The following RIMKLB variants were observed in gnomAD, a reference collection of about 807,000 sequenced individuals.
The protein encoded by RIMKLB is ribosomal modification protein rimK like family member B.
A neutral mutation model predicts 32.0 loss-of-function variants in RIMKLB; 7 were observed. The ratio of observed to expected loss-of-function variants is 0.22; its 90% CI spans 0.12 to 0.41. RIMKLB has a LOEUF of 0.41. Among genes scored for constraint, RIMKLB ranks in the 10% least tolerant of loss-of-function variants. RIMKLB has a pLI of 1.00. For missense variants in RIMKLB, 289 were observed against 498.7 expected (o/e 0.58, Z 4.00); for synonymous variants, 172 against 185.1 (o/e 0.93, Z 0.57).
intron 1 of RIMKLB, among the ~76,000 whole-genome samples, chr12:8,686,133 G>A (rs986195236): frequency 2.6e-5 from 4 of 151,950 alleles, no homozygotes; most frequent in Non-Finnish European, 5.9e-5. Context: ...GTAGAGACAG[G>A]GTTTCACCAT....
At chr12:8,782,170 G>GT (rs138360722), downstream of RIMKLB, among the ~76,000 whole-genome samples, 8 of 151,856 alleles carry the variant, frequency 5.3e-5, no homozygotes, top group Non-Finnish European at 1.2e-4. Context: ...ATCAAAAATT[G>GT]TTTTTTTCTG....
chr12:8,764,793 G>A (rs184801718), intron 5 of RIMKLB, among the ~76,000 whole-genome samples: 31 of 151,944 alleles, frequency 2.0e-4, no homozygotes, highest in African/African-American at 5.3e-4. Context: ...ACGAGGGGGC[G>A]GCTTATTTCT....
the RIMKLB span, among the ~76,000 whole-genome samples, chr12:8,671,397 T>C: frequency 1.4e-4 from 22 of 152,048 alleles, no homozygotes; most frequent in Non-Finnish European, 2.9e-4. Flanking sequence ...ATTACAGTCA[T>C]GTGCCACCAC....
chr12:8,756,575 AT>A (rs137869706), intron 5 of RIMKLB, among the ~76,000 whole-genome samples: 1,527 of 152,280 alleles, frequency 0.01, 19 homozygotes, highest in African/African-American at 0.035. Flanking sequence ...AGAAAAGGCA[AT>A]ATATTGATAA....
At chr12:8,719,337 G>A (rs1945200037) in intron 2 of RIMKLB, among the ~76,000 whole-genome samples, 1 of 152,048 alleles carries the variant, frequency 6.6e-6, no homozygotes, top group Admixed American at 6.6e-5. Flanking sequence ...TCTAAGCCCT[G>A]GGATTATAAA....
chr12:8,766,032 G>A (rs1432075358), intron 5 of RIMKLB, among the ~76,000 whole-genome samples: 1 of 151,974 alleles, frequency 6.6e-6, no homozygotes, highest in Non-Finnish European at 1.5e-5. Flanking sequence ...TTCTTTCTTA[G>A]CGTTTGAGGG....
At chr12:8,751,123 T>A (rs1018763221) in intron 3 of RIMKLB, among the ~76,000 whole-genome samples, 1 of 152,188 alleles carries the variant, frequency 6.6e-6, no homozygotes, top group Non-Finnish European at 1.5e-5. Context: ...GTGTTTTTAG[T>A]GCTTTGGGGA....
chr12:8,778,573 G>A (rs1161884351), downstream of RIMKLB, among the ~76,000 whole-genome samples: 1 of 152,170 alleles, frequency 6.6e-6, no homozygotes, highest in Non-Finnish European at 1.5e-5. Context: ...TAAAATGTCA[G>A]GGATAGGACT....
intron 2 of RIMKLB, among the ~76,000 whole-genome samples, chr12:8,748,722 A>G (rs1340346530): frequency 6.6e-6 from 1 of 151,918 alleles, no homozygotes; most frequent in African/African-American, 2.4e-5. Context: ...GCAGATCACA[A>G]TGTCAGAAGT....
rs913145698 is a variant in RIMKLB at position 8,697,992 on chromosome 12, C to T, written c.-362C>T. ...GTGTGAGCGGGGTCGCGCGCGCGCG[C>T]GGCAGGCGAGTGAGGGAACGAGGAG... On this transcript the variant is annotated 5_prime_UTR_variant, in exon 1 of 6. Transcript: ENST00000535829. 60 of 162,230 alleles carry T rather than the reference C, an allele frequency of 3.7e-4. No individual in the cohort carries two copies. The highest frequency in any genetic ancestry group is 1.4e-3 in the African/African-American group (59 of 41,216). The allele number at this position is 162,230 out of a possible 1,614,324, so 10.0% of individuals were successfully genotyped here.
At position 8,774,825 on chromosome 12, in the gene RIMKLB, G is replaced by A. The variant is rs994451149; in HGVS notation, c.*1041G>A. The A allele has an allele frequency of 1.0e-5, 10 of 985,404 alleles. No homozygotes were observed. The highest frequency in any genetic ancestry group is 7.0e-5 in the African/African-American group (4 of 57,222). The allele number at this position is 985,404 out of a possible 1,614,324, so 61.0% of individuals were successfully genotyped here. Reference sequence around the variant, plus strand: ...CTAAGTATAAAGCTGAAGTGATTTCGAATGCCAGCGTTATATATTTGCATT... The same window carrying A: ...CTAAGTATAAAGCTGAAGTGATTTCAAATGCCAGCGTTATATATTTGCATT... On this transcript the variant is annotated 3_prime_UTR_variant, in exon 6 of 6. Transcript: ENST00000535829.
chr12:8,686,267 C>T (rs1428834364), intron 1 of RIMKLB, among the ~76,000 whole-genome samples: 5 of 151,042 alleles, frequency 3.3e-5, no homozygotes, highest in Non-Finnish European at 7.4e-5. Context: ...CCTTCCCTCC[C>T]CTCCCCTCCT....
intron 7 of RIMKLB, among the ~76,000 whole-genome samples, chr12:8,782,352 TTATTA>T (rs58664693): frequency 0.034 from 5,137 of 152,154 alleles, 251 homozygotes; most frequent in African/African-American, 0.11. Flanking sequence ...ATAATTGTCT[TTATTA>T]TAGGATTGCT....
intron 1 of RIMKLB, among the ~76,000 whole-genome samples, chr12:8,686,828 T>G (rs905683690): frequency 2.6e-5 from 4 of 152,196 alleles, no homozygotes; most frequent in Non-Finnish European, 4.4e-5. Flanking sequence ...GCTGCATATA[T>G]ATAGCTGCAG....
chr12:8,773,242 C>CTT, intron 5 of RIMKLB, 79 bp from the exon 6 acceptor site: 1 of 985,060 alleles, frequency 1.0e-6, no homozygotes, highest in Non-Finnish European at 1.6e-6. Flanking sequence ...AGAAGAAAGG[C>CTT]TTAGCCTTGG....
intron 2 of RIMKLB, among the ~76,000 whole-genome samples, chr12:8,741,539 G>A (rs1398080302): frequency 6.6e-6 from 1 of 151,794 alleles, no homozygotes; most frequent in Non-Finnish European, 1.5e-5. Flanking sequence ...CCAGCACTTT[G>A]GGTGGTGAGG....
At chr12:8,679,888 C>G (rs74907684), upstream of RIMKLB, among the ~76,000 whole-genome samples, 1 of 152,172 alleles carries the variant, frequency 6.6e-6, no homozygotes, top group Non-Finnish European at 1.5e-5. Context: ...TTGAAACCTA[C>G]GGGTCTACAT....
chr12:8,685,115 A>G (rs1418745850), intron 1 of RIMKLB, among the ~76,000 whole-genome samples: 1 of 152,106 alleles, frequency 6.6e-6, no homozygotes, highest in Admixed American at 6.6e-5. Flanking sequence ...TTCCTTCTCA[A>G]TCTGTACACA....
chr12:8,714,553 T>C (rs998155877), intron 2 of RIMKLB, among the ~76,000 whole-genome samples: 2 of 152,212 alleles, frequency 1.3e-5, no homozygotes, highest in Admixed American at 1.3e-4. Flanking sequence ...ACACTATACA[T>C]GTAATATAAA....
Sources: gnomAD v4.1 joint callset for allele counts (sites outside exome capture counted in the v4.1 genomes callset) on GRCh38, gnomAD v4.1.1 for gene constraint, MANE v1.5 for transcripts, NCBI Gene and HGNC (gene_info 2026-07-23, HGNC 2026-07-21) for gene names.